Variants in GALNT11 observed in about 807,000 individuals in gnomAD.
The protein encoded by GALNT11 is UDP-GalNAc:polypeptide N-acetylgalactosaminyltransferase 11.
In GALNT11, 47 loss-of-function variants were observed where a neutral mutation model predicts 72.7. The observed-to-expected ratio is 0.65, with a 90% CI of 0.51 to 0.82. The LOEUF (loss-of-function observed/expected upper bound fraction) is 0.82. GALNT11 is among the 40% of genes least tolerant of loss of function. The probability of loss-of-function intolerance (pLI) is 0.00; values close to 1 mark genes in which losing one functional copy is unlikely to be tolerated. For synonymous variants in GALNT11, 270 were observed against 286.6 expected (o/e 0.94, Z 0.58); for missense variants, 677 against 778.4 (o/e 0.87, Z 1.55).
At chr7:152,117,803 G>A (rs181825033) in intron 9 of GALNT11, 420 of 177,774 alleles carry the variant, frequency 2.4e-3, no homozygotes, top group African/African-American at 9.4e-3. Context: ...TGGATTTCAT[G>A]CCTGGTGTTC....
chr7:152,027,395 T>C (rs2082073300), intron 1 of GALNT11, among the ~76,000 whole-genome samples: 1 of 152,226 alleles, frequency 6.6e-6, no homozygotes, highest in Non-Finnish European at 1.5e-5. Context: ...TTGTTAGTGC[T>C]ACAAACAACC....
At chr7:152,095,803 T>C (rs2086333486) in intron 2 of GALNT11, among the ~76,000 whole-genome samples, 1 of 152,192 alleles carries the variant, frequency 6.6e-6, no homozygotes, top group African/African-American at 2.4e-5. Context: ...AAAGAAGTAG[T>C]GAGAGAATTG....
rs192612427 is a variant in GALNT11 at position 152,033,680 on chromosome 7, G to A, written c.-39+7796G>A. 5.3e-5 allele frequency among the ~76,000 whole-genome samples: 8 copies of A among 152,180 alleles called. No homozygotes were observed. The East Asian group carries it at 1.4e-3, about 26-fold the overall frequency. On this transcript the variant is annotated intron_variant, in intron 1 of 11. Coordinates refer to ENST00000430044, the MANE Select transcript of GALNT11 (RefSeq NM_022087.4). Reference sequence around the variant, plus strand: ...GTAGACATCATTGAATAATTCATGGGCTTTTTCCTAATTCTCCTTAGTCCT... The same window carrying A: ...GTAGACATCATTGAATAATTCATGGACTTTTTCCTAATTCTCCTTAGTCCT...
chr7:152,029,248 A>C (rs1378142239), intron 1 of GALNT11, among the ~76,000 whole-genome samples: 3 of 152,204 alleles, frequency 2.0e-5, no homozygotes, highest in Admixed American at 6.5e-5. Flanking sequence ...TGTAGTTACT[A>C]TCCTTACTGG....
chr7:152,060,175 A>G (rs1379154681), intron 1 of GALNT11, among the ~76,000 whole-genome samples: 1 of 152,220 alleles, frequency 6.6e-6, no homozygotes, highest in Non-Finnish European at 1.5e-5. Flanking sequence ...TTTCTTCTGC[A>G]GCTTCCTTAC....
intron 7 of GALNT11, 85 bp from the exon 8 acceptor site, chr7:152,113,161 T>A: frequency 7.0e-7 from 1 of 1,427,078 alleles, no homozygotes; most frequent in Non-Finnish European, 9.5e-7. Context: ...ACCTATTGAA[T>A]AAAGATTAAT....
At chr7:152,035,562 C>G (rs1488161026) in intron 1 of GALNT11, among the ~76,000 whole-genome samples, 1 of 152,200 alleles carries the variant, frequency 6.6e-6, no homozygotes, top group East Asian at 1.9e-4. Flanking sequence ...CGACCCTCGG[C>G]TCAGCCCGGA....
At position 152,110,560 on chromosome 7, in the gene GALNT11, T is replaced by C; in HGVS notation, c.995T>C (p.Met332Thr). The part of the protein sequence containing the change: ...SPTMAGGLFA[M>T]NRQYFHELGQ... ...ACAATGGCTGGAGGTTTGTTTGCCA[T>C]GAACAGACAGTATTTCCATGAACTT... Residue 332 changes from methionine (M) to threonine (T), a missense_variant, in exon 7 of 12, where the codon ATG becomes ACG. Transcript: ENST00000430044. 1 of 1,613,602 alleles carries C rather than the reference T, an allele frequency of 6.2e-7. No individual in the cohort carries two copies. The highest frequency in any genetic ancestry group is 1.1e-5 in the South Asian group (1 of 90,874).
chr7:152,113,919 G>GT lies in GALNT11; in HGVS notation c.1233+532dup, dbSNP rs36104315. On this transcript the variant is annotated intron_variant, in intron 8 of 11. Transcript: ENST00000430044. ...GCCTGGATAATTTTTTTTAAAAAGT[G>GT]TTTTTTTTTTTGTTTGTTTGTTTTT... 4.2e-3 allele frequency among the ~76,000 whole-genome samples: 604 copies of GT among 145,008 alleles called. 6 individuals carry two copies. The highest frequency in any genetic ancestry group is 0.012 in the African/African-American group (482 of 39,562).
At chr7:152,067,788 A>G (rs1487487522) in intron 1 of GALNT11, among the ~76,000 whole-genome samples, 2 of 152,156 alleles carry the variant, frequency 1.3e-5, no homozygotes, top group Non-Finnish European at 2.9e-5. Flanking sequence ...AGACTGGGTA[A>G]TTCATAAAGA....
chr7:152,100,984 AG>A, intron 3 of GALNT11, 63 bp downstream of exon 3: 1 of 1,583,858 alleles, frequency 6.3e-7, no homozygotes, highest in South Asian at 1.1e-5. Flanking sequence ...TGTCAGTGTA[AG>A]AGGTCACGAG....
intron 1 of GALNT11, among the ~76,000 whole-genome samples, chr7:152,049,549 C>A (rs2083293733): frequency 6.6e-6 from 1 of 152,146 alleles, no homozygotes; most frequent in Admixed American, 6.5e-5. Context: ...CTGTGGCCAC[C>A]ACCACTGAGA....
intron 1 of GALNT11, among the ~76,000 whole-genome samples, chr7:152,070,939 A>T (rs1052681789): frequency 2.0e-5 from 3 of 152,162 alleles, no homozygotes; most frequent in Admixed American, 1.3e-4. Flanking sequence ...CAAGCCACAA[A>T]AACCAGCAAG....
chr7:152,093,291 C>CT (rs943705561), intron 1 of GALNT11, among the ~76,000 whole-genome samples: 63 of 151,274 alleles, frequency 4.2e-4, no homozygotes, highest in African/African-American at 1.5e-3. Flanking sequence ...TTTAGTTCTT[C>CT]TTGCCTTGTT....
chr7:152,048,335 G>A (rs996460421), intron 1 of GALNT11, among the ~76,000 whole-genome samples: 2 of 151,464 alleles, frequency 1.3e-5, no homozygotes, highest in African/African-American at 4.9e-5. Flanking sequence ...TTTTCTTTAT[G>A]TTTGACCTTT....
At chr7:152,065,608 G>C (rs543520217) in intron 1 of GALNT11, among the ~76,000 whole-genome samples, 7 of 152,304 alleles carry the variant, frequency 4.6e-5, no homozygotes, top group African/African-American at 1.7e-4. Flanking sequence ...GTGACGTACA[G>C]ATGGGATTTC....
chr7:152,048,794 T>C lies in GALNT11; in HGVS notation c.-39+22910T>C, dbSNP rs779743532. ...CTTTTTGAGGCTGTTTTCTAGATCT[T>C]GTAGGTGTGCTTCATTCTTGTTTTT... On this transcript the variant is annotated intron_variant, in intron 1 of 11. Transcript: ENST00000430044. Among the ~76,000 whole-genome samples the C allele has an allele frequency of 9.4e-4, 142 of 151,788 alleles. 4 individuals carry two copies. Among genetic ancestry groups the C allele is most frequent in the Non-Finnish European group, 2.1e-4 (14 of 68,024 alleles).
At chr7:152,096,268 G>A (rs929039395) in intron 2 of GALNT11, among the ~76,000 whole-genome samples, 1 of 152,134 alleles carries the variant, frequency 6.6e-6, no homozygotes, top group Non-Finnish European at 1.5e-5. Flanking sequence ...GAGGGAAAAG[G>A]TTATCCTAAA....
chr7:152,030,106 T>G (rs1024810401), intron 1 of GALNT11, among the ~76,000 whole-genome samples: 4 of 151,154 alleles, frequency 2.6e-5, no homozygotes, highest in Admixed American at 6.6e-5. Flanking sequence ...GACGAGAGAG[T>G]GTAGAAATAA....
Sources: gnomAD v4.1 joint callset for allele counts (sites outside exome capture counted in the v4.1 genomes callset) on GRCh38, gnomAD v4.1.1 for gene constraint, MANE v1.5 for transcripts, NCBI Gene and HGNC (gene_info 2026-07-23, HGNC 2026-07-21) for gene names.